COL1A2: variants seen among roughly 807,000 people sequenced by gnomAD.
COL1A2 encodes collagen alpha-2(I) chain.
Under a neutral mutation model 174.3 loss-of-function variants are expected in COL1A2, and 49 were observed. That is an observed-to-expected ratio of 0.28 (90% CI 0.22 to 0.36). COL1A2 has a LOEUF of 0.36. COL1A2 is among the 10% of genes least tolerant of loss of function. The pLI, the probability that COL1A2 is intolerant of heterozygous loss-of-function variation, is 1.00. For missense variants in COL1A2, 1,438 were observed against 1,822.7 expected (o/e 0.79, Z 3.84); for synonymous variants, 655 against 606.6 (o/e 1.08, Z -1.17).
chr7:94,399,865 T>A (rs1471917174), intron 4 of COL1A2, among the ~76,000 whole-genome samples: 1 of 152,204 alleles, frequency 6.6e-6, no homozygotes, highest in Non-Finnish European at 1.5e-5. Context: ...AAATACGATG[T>A]AAGTCCTTGT....
At chr7:94,429,719 A>G (rs1042110730) in intron 51 of COL1A2, 12 of 341,822 alleles carry the variant, frequency 3.5e-5, no homozygotes, top group African/African-American at 2.5e-4. Flanking sequence ...TTTCTTTAGC[A>G]TGTTTTTTAA....
At chr7:94,405,326 C>A in intron 10 of COL1A2, 74 bp downstream of exon 10, 2 of 1,390,420 alleles carry the variant, frequency 1.4e-6, no homozygotes, top group East Asian at 2.3e-5. Flanking sequence ...TAGCATCAAT[C>A]TAAATGACAA....
At chr7:94,418,646 T>A in intron 33 of COL1A2, 94 bp downstream of exon 33, 1 of 951,162 alleles carries the variant, frequency 1.1e-6, no homozygotes, top group South Asian at 1.4e-5. Flanking sequence ...ACACACACTT[T>A]ATTTATCAAG....
Position 94,429,341 on chromosome 7 carries a change from G to T in COL1A2, c.3865G>T (p.Ala1289Ser), listed in dbSNP as rs759477389. ...MDEETGNLKK[A>S]VILQGSNDVE... ...TGAGGAGACTGGCAACCTGAAAAAG[G>T]CTGTCATTCTACAGGGCTCTAATGA... The change falls in exon 51 of 52, where the codon GCT becomes TCT. Residue 1289 changes from alanine to serine, a missense_variant. Ala to Ser is a moderately conservative substitution (Grantham distance 99). Around this residue, in one of 3 missense-constraint regions of COL1A2, gnomAD observed 290 missense variants for 298.1 expected, o/e 0.97. Coordinates refer to ENST00000297268, the MANE Select transcript of COL1A2 (RefSeq NM_000089.4). 1 of 1,614,080 alleles carries T rather than the reference G, an allele frequency of 6.2e-7. No homozygotes were observed. Among genetic ancestry groups the T allele is most frequent in the Non-Finnish European group, 8.5e-7 (1 of 1,179,992 alleles).
At chr7:94,416,273 C>A in intron 30 of COL1A2, 132 bp from the exon 31 acceptor site, 1 of 733,036 alleles carries the variant, frequency 1.4e-6, no homozygotes, top group South Asian at 1.8e-5. Context: ...AGATTAGGAA[C>A]AAAAGAAATT....
chr7:94,410,142 C>T (rs889417686), intron 19 of COL1A2, 100 bp from the exon 20 acceptor site: 6 of 1,210,170 alleles, frequency 5.0e-6, no homozygotes, highest in Non-Finnish European at 7.3e-6. Context: ...AGAACTTGAG[C>T]TTCTCTTTAC....
At chr7:94,427,444 G>A (rs1792302298) in intron 48 of COL1A2, 149 bp downstream of exon 48, 3 of 1,048,896 alleles carry the variant, frequency 2.9e-6, no homozygotes, top group Admixed American at 3.9e-5. Context: ...TATATGCAAT[G>A]GGCTTGTTAA....
Position 94,429,308 on chromosome 7 carries a change from T to C in COL1A2, c.3832T>C (p.Tyr1278His), listed in dbSNP as rs1436560123. The C allele has an allele frequency of 1.9e-6, 3 of 1,614,102 alleles. No homozygotes were observed. The highest frequency in any genetic ancestry group is 2.5e-6 in the Non-Finnish European group (3 of 1,180,016). Residue 1278 changes from tyrosine to histidine, a missense_variant, in exon 51 of 52, where the codon TAC (tyrosine) becomes CAC (histidine). Physicochemically the swap from Tyr to His is moderately conservative, Grantham distance 83. Transcript: ENST00000297268. The stretch of plus-strand genomic sequence containing the variant: ...CTACCACTGCAAGAACAGCATTGCA[T>C]ACATGGATGAGGAGACTGGCAACCT... Reference protein sequence around the residue: ...ITYHCKNSIAYMDEETGNLKK... With the variant: ...ITYHCKNSIAHMDEETGNLKK...
chr7:94,420,748 C>A, intron 37 of COL1A2, 100 bp downstream of exon 37: 2 of 1,091,228 alleles, frequency 1.8e-6, no homozygotes, highest in East Asian at 2.6e-5. Flanking sequence ...GGGAATATAC[C>A]AGATAGAAGA....
In COL1A2 at chr7:94,416,343, T is replaced by C. The variant is rs1432980804; in HGVS notation, c.1765-62T>C. The C allele has an allele frequency of 6.4e-6, 9 of 1,399,508 alleles. No homozygotes were observed. In the African/African-American group the frequency reaches 1.3e-4, roughly 20 times the overall value. 86.7% of individuals were successfully genotyped at this position (1,399,508 alleles called of 1,614,324 possible). A position where few individuals can be genotyped will look rare whatever the true frequency, so the allele number is the denominator to read the frequency against. ...AGCTACACAAATGTAAACTCTCATA[T>C]GTAAAACAGTATCACTGAAAGTGAT... is the stretch of plus-strand genomic sequence containing the variant. On this transcript the variant is annotated intron_variant, in intron 30 of 51. Coordinates refer to ENST00000297268, the MANE Select transcript of COL1A2 (RefSeq NM_000089.4).
In COL1A2 at chr7:94,421,971, A is replaced by G; in HGVS notation, c.2403+19A>G. The G allele has an allele frequency of 6.2e-7, 1 of 1,612,298 alleles. No homozygotes were observed. Among genetic ancestry groups the G allele is most frequent in the Non-Finnish European group, 8.5e-7 (1 of 1,178,522 alleles). ...ACCCTCTGTAAGTAAATCACTGTAA[A>G]CGTGTCTTCATTTACTCTAGCCAAA... On this transcript the variant is annotated intron_variant, in intron 39 of 51. Transcript: ENST00000297268.
At position 94,422,195 on chromosome 7, in the gene COL1A2, G is replaced by GAA. The variant is rs11312537; in HGVS notation, c.2403+254_2403+255dup. Among the ~76,000 whole-genome samples, 45 of 144,532 alleles carry GAA rather than the reference G, an allele frequency of 3.1e-4. No individual in the cohort carries two copies. In the South Asian group the frequency reaches 9.2e-3, roughly 30 times the overall value. The allele number at this position is 144,532 out of a possible 152,430, so 94.8% of individuals were successfully genotyped here. ...CCCCTTTCAGGGGCATGGTCTTTTT[G>GAA]AAAAAAAAAAAACAAAAAAACGAAC... On this transcript the variant is annotated intron_variant, in intron 39 of 51. Coordinates refer to ENST00000297268, the MANE Select transcript of COL1A2 (RefSeq NM_000089.4).
In COL1A2 at chr7:94,418,487, T is replaced by A. The variant is rs1315020583; in HGVS notation, c.1972-12T>A. 1.2e-6 allele frequency: 2 copies of A among 1,613,496 alleles called. No homozygotes were observed. Among genetic ancestry groups the A allele is most frequent in the Non-Finnish European group, 1.7e-6 (2 of 1,179,656 alleles). On this transcript the variant is annotated splice_polypyrimidine_tract_variant and intron_variant, in intron 32 of 51. Transcript: ENST00000297268. Reference sequence around the variant, plus strand: ...CAGAAAACAAAAAGTTGCTCTTGCTTTATACTTTCAGGGTGAACCTGGTCT... The same window carrying A: ...CAGAAAACAAAAAGTTGCTCTTGCTATATACTTTCAGGGTGAACCTGGTCT...
intron 1 of COL1A2, among the ~76,000 whole-genome samples, chr7:94,396,033 A>G (rs1264568069): frequency 6.6e-6 from 1 of 152,134 alleles, no homozygotes; most frequent in East Asian, 1.9e-4. Flanking sequence ...TTGCTGCGTG[A>G]CTTTGGGCAA....
chr7:94,413,187 C>T (rs769547092), intron 26 of COL1A2, 51 bp downstream of exon 26: 3 of 1,557,530 alleles, frequency 1.9e-6, no homozygotes, highest in Non-Finnish European at 1.8e-6. Context: ...CATCTAAGAA[C>T]CACACTTTTT....
chr7:94,429,133 T>A, intron 50 of COL1A2, 55 bp from the exon 51 acceptor site: 1 of 1,230,870 alleles, frequency 8.1e-7, no homozygotes, highest in Non-Finnish European at 1.2e-6. Flanking sequence ...CATGTTTGAC[T>A]CTTAGTATCT....
chr7:94,423,098 T>G lies in COL1A2; in HGVS notation c.2545T>G (p.Ser849Ala). 1 of 1,614,178 alleles carries G rather than the reference T, an allele frequency of 6.2e-7. No individual in the cohort carries two copies. Among genetic ancestry groups the G allele is most frequent in the East Asian group, 2.2e-5 (1 of 44,884 alleles). Residue 849 changes from serine (S) to alanine (A), a missense_variant, in exon 40 of 52, where the codon TCT becomes GCT. By Grantham distance (99) the Ser-to-Ala change is moderately conservative (BLOSUM62 1). This residue lies in a region of COL1A2 where 867 missense variants were observed against 1,213.7 expected (regional missense o/e 0.71). Coordinates refer to ENST00000297268, the MANE Select transcript of COL1A2 (RefSeq NM_000089.4). The part of the protein sequence containing the change: ...PPGFAGEKGP[S>A]GEAGTAGPPG... ...TGGCTTCGCTGGTGAGAAGGGTCCC[T>G]CTGGAGAGGCTGGTACTGCTGTAAG...
chr7:94,413,926 C>T lies in COL1A2; in HGVS notation c.1644C>T (p.Pro548=), dbSNP rs760029920. The T allele has an allele frequency of 1.4e-5, 22 of 1,613,900 alleles. No homozygotes were observed. Among genetic ancestry groups the T allele is most frequent in the Admixed American group, 5.0e-5 (3 of 59,996 alleles). ...AAGGTGGAAAAGGTGAACAGGGTCCCCCTGGTCCTCCAGGCTTCCAGGTAA... is the reference window on the plus strand; with the variant it reads ...AAGGTGGAAAAGGTGAACAGGGTCCTCCTGGTCCTCCAGGCTTCCAGGTAA... The part of the protein sequence containing the change: ...GVQGGKGEQG[P]PGPPGFQGLP... Residue 548 remains proline (P), a synonymous_variant, in exon 28 of 52, where the codon CCC becomes CCT. Transcript: ENST00000297268.
chr7:94,407,679 A>G (rs1180625691), intron 12 of COL1A2, among the ~76,000 whole-genome samples, 168 bp from the exon 13 acceptor site: 1 of 152,214 alleles, frequency 6.6e-6, no homozygotes, highest in African/African-American at 2.4e-5. Context: ...TCATGTTAGC[A>G]CATTTTAAAA....
Sources: allele counts gnomAD v4.1 joint callset (sites outside exome capture counted in the v4.1 genomes callset), GRCh38; gene constraint gnomAD v4.1.1; regional missense constraint gnomAD v4.1.1; transcripts MANE v1.5; gene names NCBI Gene and HGNC (gene_info 2026-07-23, HGNC 2026-07-21).